Variants in RPS6KC1 observed in about 807,000 individuals in gnomAD.
RPS6KC1 encodes the protein inactive ribosomal protein S6 kinase delta-1.
In RPS6KC1, 54 loss-of-function variants were observed where a neutral mutation model predicts 103.8. The ratio of observed to expected loss-of-function variants is 0.52; its 90% CI spans 0.42 to 0.65. The LOEUF is 0.65. Among genes scored for constraint, RPS6KC1 ranks in the 30% least tolerant of loss-of-function variants. The pLI, the probability that RPS6KC1 is intolerant of heterozygous loss-of-function variation, is 0.00. For synonymous variants in RPS6KC1, 439 were observed against 438.7 expected (o/e 1.00, Z -0.01); for missense variants, 1,151 against 1,253.8 (o/e 0.92, Z 1.24).
the RPS6KC1 span, among the ~76,000 whole-genome samples, chr1:213,548,997 C>G: frequency 1.3e-5 from 2 of 152,178 alleles, no homozygotes; most frequent in African/African-American, 4.8e-5. Flanking sequence ...GTGAGATCCC[C>G]TTAGCCTGCA....
At chr1:213,169,723 C>T (rs1484301896) in intron 7 of RPS6KC1, among the ~76,000 whole-genome samples, 2 of 150,392 alleles carry the variant, frequency 1.3e-5, no homozygotes, top group Non-Finnish European at 3.0e-5. Flanking sequence ...ACTTGCTTTA[C>T]TAAATCCATC....
chr1:213,511,693 G>C, the RPS6KC1 span, among the ~76,000 whole-genome samples: 5 of 152,218 alleles, frequency 3.3e-5, no homozygotes, highest in East Asian at 9.7e-4. Flanking sequence ...ATAAACTAGA[G>C]ACTGTCCTGC....
chr1:213,516,868 T>C, the RPS6KC1 span, among the ~76,000 whole-genome samples: 2 of 152,246 alleles, frequency 1.3e-5, no homozygotes, highest in East Asian at 1.9e-4. Context: ...GGACTCTTTT[T>C]CGTTGGTAAG....
the RPS6KC1 span, among the ~76,000 whole-genome samples, chr1:213,646,624 C>T: frequency 6.6e-6 from 1 of 152,014 alleles, no homozygotes; most frequent in African/African-American, 2.4e-5. Flanking sequence ...AAGAAAGAAA[C>T]ACTGTGGGAG....
chr1:213,129,504 T>C, intron 5 of RPS6KC1, 23 bp from the exon 6 acceptor site: 2 of 1,564,248 alleles, frequency 1.3e-6, no homozygotes, highest in Non-Finnish European at 1.7e-6. Flanking sequence ...AATATCTGTT[T>C]ACTATTGTGA....
chr1:213,822,552 A>G, the RPS6KC1 span: 2 of 152,276 alleles, frequency 1.3e-5, no homozygotes, highest in Middle Eastern at 3.4e-3. Context: ...CCAGCTGCCT[A>G]CTTAGACACC....
At chr1:213,756,186 GC>G in the RPS6KC1 span, among the ~76,000 whole-genome samples, 1 of 152,210 alleles carries the variant, frequency 6.6e-6, no homozygotes, top group Non-Finnish European at 1.5e-5. Context: ...ATGTCATCAT[GC>G]CAGGGACACT....
chr1:213,858,363 C>T, the RPS6KC1 span, among the ~76,000 whole-genome samples: 1 of 152,160 alleles, frequency 6.6e-6, no homozygotes, highest in Non-Finnish European at 1.5e-5. Context: ...AAGAACCAAG[C>T]TCCTCAAGGC....
At chr1:213,235,554 C>A (rs1403754503) in intron 10 of RPS6KC1, among the ~76,000 whole-genome samples, 1 of 151,938 alleles carries the variant, frequency 6.6e-6, no homozygotes, top group Non-Finnish European at 1.5e-5. Flanking sequence ...AGAGAGGGAG[C>A]ATTGTGGATA....
chr1:213,052,250 A>G (rs2077014183), intron 1 of RPS6KC1, among the ~76,000 whole-genome samples: 3 of 152,230 alleles, frequency 2.0e-5, no homozygotes, highest in South Asian at 2.1e-4. Flanking sequence ...GTATATATGT[A>G]TGTGACGTAT....
the RPS6KC1 span, among the ~76,000 whole-genome samples, chr1:213,377,041 C>T: frequency 6.6e-6 from 1 of 152,148 alleles, no homozygotes; most frequent in Non-Finnish European, 1.5e-5. Context: ...GCCACATTCT[C>T]CTCTGGGAAG....
the RPS6KC1 span, among the ~76,000 whole-genome samples, chr1:213,292,254 AATAAAATT>A: frequency 2.0e-3 from 16 of 8,104 alleles, no homozygotes; most frequent in African/African-American, 2.2e-3. Flanking sequence ...GTATAATAAT[AATAAAATT>A]AAATTAAATT....
chr1:213,100,791 T>C (rs1013196936), intron 3 of RPS6KC1, among the ~76,000 whole-genome samples: 1 of 152,232 alleles, frequency 6.6e-6, no homozygotes. Flanking sequence ...CTGTGTAGTA[T>C]TCCATGGTGT....
rs1001605871 is a variant in RPS6KC1, at chr1:213,262,833, A to C, written c.3090+17A>C. On this transcript the variant is annotated intron_variant, in intron 14 of 14. Transcript: ENST00000366960. ...ATTCAACAGGTAATTTAACTGACCT[A>C]TTGGCCAGGTTTATCAACCATGCAG... 4 of 1,452,438 alleles carry C rather than the reference A, an allele frequency of 2.8e-6. No homozygotes were observed. The highest frequency in any genetic ancestry group is 1.7e-4 in the Middle Eastern group (1 of 5,764). 90.0% of individuals were successfully genotyped at this position (1,452,438 alleles called of 1,614,324 possible). A position where few individuals can be genotyped will look rare whatever the true frequency, so the allele number is the denominator to read the frequency against.
At chr1:213,591,897 A>C in the RPS6KC1 span, among the ~76,000 whole-genome samples, 1 of 152,150 alleles carries the variant, frequency 6.6e-6, no homozygotes, top group Non-Finnish European at 1.5e-5. Flanking sequence ...TACCTGTGTC[A>C]ATCAGTTAGT....
the RPS6KC1 span, among the ~76,000 whole-genome samples, chr1:213,465,477 G>A: frequency 3.3e-5 from 5 of 152,138 alleles, no homozygotes; most frequent in Admixed American, 6.5e-5. Flanking sequence ...CAGTTTCCTC[G>A]CCAATCAGCT....
chr1:213,461,393 A>G, the RPS6KC1 span, among the ~76,000 whole-genome samples: 22 of 152,216 alleles, frequency 1.4e-4, no homozygotes, highest in South Asian at 2.1e-4. Context: ...ATCTCCATCA[A>G]GCTACCATTG....
chr1:213,208,102 G>A (rs192598617), intron 8 of RPS6KC1, among the ~76,000 whole-genome samples: 81 of 152,230 alleles, frequency 5.3e-4, no homozygotes, highest in African/African-American at 1.8e-3. Context: ...CCCCATTTGC[G>A]TATTCTTATA....
Position 213,240,724 on chromosome 1 carries a change from C to T in RPS6KC1, c.1248C>T (p.Ile416=). The T allele has an allele frequency of 6.2e-7, 1 of 1,611,546 alleles. No homozygotes were observed. The highest frequency in any genetic ancestry group is 8.5e-7 in the Non-Finnish European group (1 of 1,178,850). ...CAGGTGGCAAACTGTGGTCATATAT[C>T]AGTAAATTTCTAAACAGAAGTCCTG... ...HAEGGKLWSY[I]SKFLNRSPEE... Residue 416 remains isoleucine (I), a synonymous_variant, in exon 11 of 15, where the codon ATC becomes ATT. Coordinates refer to ENST00000366960, the MANE Select transcript of RPS6KC1 (RefSeq NM_012424.6).
Sources: gnomAD v4.1 joint callset for allele counts (sites outside exome capture counted in the v4.1 genomes callset) on GRCh38, gnomAD v4.1.1 for gene constraint, MANE v1.5 for transcripts, NCBI Gene and HGNC (gene_info 2026-07-23, HGNC 2026-07-21) for gene names.